Variants in THAP9 observed in about 807,000 individuals in gnomAD.
THAP9 encodes DNA transposase THAP9.
Under a neutral mutation model 35.7 loss-of-function variants are expected in THAP9, and 20 were observed. The ratio of observed to expected loss-of-function variants is 0.56; its 90% CI spans 0.39 to 0.81. The LOEUF (loss-of-function observed/expected upper bound fraction) is 0.81. THAP9 is among the 40% of genes least tolerant of loss of function. The pLI is 0.00. For synonymous variants in THAP9, 335 were observed against 373.7 expected (o/e 0.90, Z 1.19); for missense variants, 870 against 1,047.4 (o/e 0.83, Z 2.34).
chr4:82,906,270 A>T (rs1416003922), intron 2 of THAP9, 54 bp from the exon 3 acceptor site: 13 of 1,402,206 alleles, frequency 9.3e-6, no homozygotes, highest in Non-Finnish European at 1.2e-5. Flanking sequence ...TTTTACAGAT[A>T]CTCTTCTATG....
chr4:82,917,493 G>C lies in THAP9; in HGVS notation c.1281G>C (p.Gln427His), dbSNP rs184380802. 3.7e-4 allele frequency: 596 copies of C among 1,613,312 alleles called. 1 individual carries two copies. Among genetic ancestry groups the C allele is most frequent in the Non-Finnish European group, 1.9e-5 (22 of 1,179,278 alleles). The change falls in exon 5 of 5, where the codon CAG (glutamine) becomes CAC (histidine). Residue 427 changes from glutamine to histidine, a missense_variant. By Grantham distance (24) the Gln-to-His change is conservative. Around this residue, in one of 3 missense-constraint regions of THAP9, gnomAD observed 440 missense variants for 501.2 expected, o/e 0.88. Transcript: ENST00000302236. The stretch of plus-strand genomic sequence containing the variant: ...TAAGATTAATAAGAAATGCATTTCA[G>C]AATTTTCAAAGCATTCAGTTTATTA... Reference protein sequence around the residue: ...HLLRLIRNAFQNFQSIQFING... With the variant: ...HLLRLIRNAFHNFQSIQFING...
At position 82,918,291 on chromosome 4, in the gene THAP9, T is replaced by C. The variant is rs1196942077; in HGVS notation, c.2079T>C (p.Cys693=). The C allele has an allele frequency of 6.2e-7, 1 of 1,614,068 alleles. No individual in the cohort carries two copies. Among genetic ancestry groups the C allele is most frequent in the Non-Finnish European group, 8.5e-7 (1 of 1,180,024 alleles). Residue 693 remains cysteine, a synonymous_variant, in exon 5 of 5, where the codon TGT becomes TGC. Coordinates refer to ENST00000302236, the MANE Select transcript of THAP9 (RefSeq NM_024672.6). ...CTGTCTTTCACGAAGAGGGTATTTGTCAAGACTGGTCTCATTGTTCACTAA... is the reference window on the plus strand; with the variant it reads ...CTGTCTTTCACGAAGAGGGTATTTGCCAAGACTGGTCTCATTGTTCACTAA... ...TKTVFHEEGI[C]QDWSHCSLSE...
Position 82,918,489 on chromosome 4 carries a change from T to C in THAP9, c.2277T>C (p.Asn759=). Residue 759 remains asparagine (N), a synonymous_variant, in exon 5 of 5, where the codon AAT becomes AAC. Coordinates refer to ENST00000302236, the MANE Select transcript of THAP9 (RefSeq NM_024672.6). ...CACTATTATTTGTTAAAAAGAAGAA[T>C]GGTTTGCATTTTCCTTCAGAAAGTC... ...IGSLLFVKKK[N]GLHFPSESLC... 1 of 1,614,182 alleles carries C rather than the reference T, an allele frequency of 6.2e-7. No individual in the cohort carries two copies. The highest frequency in any genetic ancestry group is 1.7e-5 in the Admixed American group (1 of 60,032).
intron 1 of THAP9, among the ~76,000 whole-genome samples, chr4:82,904,507 T>C (rs1413798438): frequency 6.6e-6 from 1 of 152,188 alleles, no homozygotes; most frequent in East Asian, 1.9e-4. Context: ...GGATTTTTAA[T>C]ATGGGAATTG....
chr4:82,917,005 C>T lies in THAP9; in HGVS notation c.793C>T (p.Arg265Ter), dbSNP rs1303634741. The T allele has an allele frequency of 1.9e-6, 3 of 1,564,066 alleles. No individual in the cohort carries two copies. The highest frequency in any genetic ancestry group is 2.6e-6 in the Non-Finnish European group (3 of 1,158,316). Residue 265 changes from arginine to a stop codon, truncating the protein, a stop_gained, in exon 5 of 5, where the codon CGA (arginine) becomes TGA (stop). Coordinates refer to ENST00000302236, the MANE Select transcript of THAP9 (RefSeq NM_024672.6). LOFTEE classifies it low-confidence loss of function (END_TRUNC). ...CAGCAACATTTTTTCTTTTCTTCAA[C>T]GAAGAGTAGAGAATGGAGATCAGCT... ...FNSNIFSFLQ[R>*]RVENGDQLYQ...
chr4:82,903,928 G>A (rs1167018820), intron 1 of THAP9, among the ~76,000 whole-genome samples: 1 of 152,162 alleles, frequency 6.6e-6, no homozygotes, highest in Non-Finnish European at 1.5e-5. Flanking sequence ...TCTACAGAGA[G>A]CAAGGAGGAA....
intron 4 of THAP9, among the ~76,000 whole-genome samples, chr4:82,911,427 TAAAAAAATAA>T (rs1347527565): frequency 3.3e-5 from 5 of 151,610 alleles, no homozygotes; most frequent in African/African-American, 1.2e-4. Context: ...CCATCTCTAC[TAAAAAAATAA>T]AAAAAAATTA....
intron 1 of THAP9, among the ~76,000 whole-genome samples, chr4:82,902,451 G>A (rs1720463424): frequency 6.6e-6 from 1 of 152,096 alleles, no homozygotes; most frequent in South Asian, 2.1e-4. Context: ...CTGCCTTCAA[G>A]TAACTACTCA....
chr4:82,917,892 T>A lies in THAP9; in HGVS notation c.1680T>A (p.Thr560=). 6.2e-7 allele frequency: 1 copy of A among 1,613,684 alleles called. No individual in the cohort carries two copies. Among genetic ancestry groups the A allele is most frequent in the Non-Finnish European group, 8.5e-7 (1 of 1,179,934 alleles). Residue 560 remains threonine (T), a synonymous_variant, in exon 5 of 5, where the codon ACT becomes ACA. Coordinates refer to ENST00000302236, the MANE Select transcript of THAP9 (RefSeq NM_024672.6). ...CTATTTTTGTTACATTATCTGACAC[T>A]AGCAATAATCAAATAATTAAAGGTA... The part of the protein sequence containing the change: ...AKTIFVTLSD[T]SNNQIIKGKQ...
rs1721077076 is a variant in THAP9, at chr4:82,917,477, TAAG to T, written c.1268_1270del (p.Arg423del). On this transcript the variant is annotated inframe_deletion, in exon 5 of 5. Transcript: ENST00000302236. The stretch of plus-strand genomic sequence containing the variant: ...GACTCTTGCCACTTGCTAAGATTAA[TAAG>T]AAATGCATTTCAGAATTTTCAAAGC... 22 of 1,613,712 alleles carry T rather than the reference TAAG, an allele frequency of 1.4e-5. No homozygotes were observed. The highest frequency in any genetic ancestry group is 1.9e-5 in the Non-Finnish European group (22 of 1,179,696).
At chr4:82,900,932 C>T (rs1239920711) in intron 1 of THAP9, 50 bp downstream of exon 1, 1 of 1,602,578 alleles carries the variant, frequency 6.2e-7, no homozygotes, top group African/African-American at 1.3e-5. Flanking sequence ...CGGGGCCCGG[C>T]GGGCCGTGGC....
In THAP9 at chr4:82,918,889, C is replaced by A. The variant is rs1314861978; in HGVS notation, c.2677C>A (p.His893Asn). Residue 893 changes from histidine (H) to asparagine (N), a missense_variant, in exon 5 of 5, where the codon CAT becomes AAT. Coordinates refer to ENST00000302236, the MANE Select transcript of THAP9 (RefSeq NM_024672.6). ...TGCTAATACCAGTAGTAAATTCAGG[C>A]ATTTGCTAAGTAACGATGGATATCC... ...SFANTSSKFR[H>N]LLSNDGYPFK is the part of the protein sequence containing the mutation. 1.2e-6 allele frequency: 2 copies of A among 1,606,194 alleles called. No homozygotes were observed. The highest frequency in any genetic ancestry group is 1.7e-6 in the Non-Finnish European group (2 of 1,175,884).
chr4:82,911,650 C>T (rs980805223), intron 4 of THAP9, among the ~76,000 whole-genome samples: 1 of 152,170 alleles, frequency 6.6e-6, no homozygotes, highest in African/African-American at 2.4e-5. Flanking sequence ...CTTCTGGGCT[C>T]AAGCAGTCGT....
rs767639791 is a variant in THAP9, at chr4:82,917,350, G to A, written c.1138G>A (p.Val380Ile). The A allele has an allele frequency of 9.9e-6, 16 of 1,613,284 alleles. No individual in the cohort carries two copies. The highest frequency in any genetic ancestry group is 1.4e-5 in the Non-Finnish European group (16 of 1,179,444). ...AVTSDATAHS[V>I]QMAKALGIHI... ...TACATCTGATGCCACAGCACATAGT[G>A]TTCAGATGGCAAAAGCATTGGGGAT... Residue 380 changes from valine (V) to isoleucine (I), a missense_variant, in exon 5 of 5, where the codon GTT becomes ATT. Val to Ile is a conservative substitution (Grantham distance 29, BLOSUM62 3). This residue lies in a region of THAP9 where 440 missense variants were observed against 501.2 expected (regional missense o/e 0.88). Transcript: ENST00000302236.
intron 4 of THAP9, among the ~76,000 whole-genome samples, chr4:82,912,357 A>G (rs554985305): frequency 3.3e-5 from 5 of 152,302 alleles, no homozygotes; most frequent in South Asian, 4.1e-4. Flanking sequence ...AACTCCCTCT[A>G]TAGGTTACCT....
In THAP9 at chr4:82,917,455, T is replaced by C. The variant is rs1224701549; in HGVS notation, c.1243T>C (p.Ser415Pro). ...TCAACAGATTGCATACTTCTTTGAC[T>C]CTTGCCACTTGCTAAGATTAATAAG... Reference protein sequence around the residue: ...SSQQIAYFFDSCHLLRLIRNA... With the variant: ...SSQQIAYFFDPCHLLRLIRNA... The change falls in exon 5 of 5, where the codon TCT (serine) becomes CCT (proline). Residue 415 changes from serine (S) to proline (P), a missense_variant. Physicochemically the swap from Ser to Pro is moderately conservative, Grantham distance 74. This residue lies in a region of THAP9 where 440 missense variants were observed against 501.2 expected (regional missense o/e 0.88). Transcript: ENST00000302236. 2 of 1,614,078 alleles carry C rather than the reference T, an allele frequency of 1.2e-6. No individual in the cohort carries two copies. The highest frequency in any genetic ancestry group is 4.5e-5 in the East Asian group (2 of 44,882).
intron 4 of THAP9, among the ~76,000 whole-genome samples, chr4:82,915,029 GCCAGTTACC>G (rs1337310112): frequency 2.0e-5 from 3 of 152,150 alleles, no homozygotes; most frequent in Non-Finnish European, 4.4e-5. Flanking sequence ...CATATGGCTA[GCCAGTTACC>G]CCAGCACCAT....
At chr4:82,913,679 C>T (rs1227380398) in intron 4 of THAP9, among the ~76,000 whole-genome samples, 3 of 151,818 alleles carry the variant, frequency 2.0e-5, no homozygotes, top group Non-Finnish European at 2.9e-5. Flanking sequence ...CCTCCACCCT[C>T]GAGTAGACCC....
chr4:82,906,267 G>A, intron 2 of THAP9, 57 bp from the exon 3 acceptor site: 1 of 1,392,462 alleles, frequency 7.2e-7, no homozygotes, highest in East Asian at 2.4e-5. Context: ...TATTTTTACA[G>A]ATACTCTTCT....
Sources: gnomAD v4.1 joint callset for allele counts (sites outside exome capture counted in the v4.1 genomes callset) on GRCh38, gnomAD v4.1.1 for gene constraint, gnomAD v4.1.1 regional missense constraint, MANE v1.5 for transcripts, NCBI Gene and HGNC (gene_info 2026-07-23, HGNC 2026-07-21) for gene names.